The following ANKRD33B variants were observed in gnomAD, a reference collection of about 807,000 sequenced individuals.
The protein encoded by ANKRD33B is ankyrin repeat domain-containing protein 33B.
In ANKRD33B, 6 loss-of-function variants were observed where a neutral mutation model predicts 21.5. That is an observed-to-expected ratio of 0.28 (90% CI 0.15 to 0.55). The LOEUF (loss-of-function observed/expected upper bound fraction) is 0.55. ANKRD33B is among the 20% of genes least tolerant of loss of function. The pLI is 0.94. For synonymous variants in ANKRD33B, 347 were observed against 342.4 expected (o/e 1.01, Z -0.15); for missense variants, 698 against 747.2 (o/e 0.93, Z 0.77).
chr5:10,624,143 T>C (rs1287872633), intron 2 of ANKRD33B, among the ~76,000 whole-genome samples: 2 of 149,844 alleles, frequency 1.3e-5, no homozygotes, highest in Admixed American at 1.3e-4. Flanking sequence ...TTTTTTTTTT[T>C]TTTTGAGTCT....
chr5:10,647,439 G>C (rs560288304), intron 3 of ANKRD33B, among the ~76,000 whole-genome samples: 1 of 152,282 alleles, frequency 6.6e-6, no homozygotes, highest in South Asian at 2.1e-4. Flanking sequence ...ATGTGGGACT[G>C]AGATTGGACC....
At position 10,635,340 on chromosome 5, in the gene ANKRD33B, C is replaced by A. The variant is rs907693969; in HGVS notation, c.497-2688C>A. On this transcript the variant is annotated intron_variant, in intron 2 of 3. Transcript: ENST00000296657. Reference sequence around the variant, plus strand: ...TAAACCAAACTGAGATCAAAGGATTCCCCCACCTTCCCATACCACCCAGTT... The same window carrying A: ...TAAACCAAACTGAGATCAAAGGATTACCCCACCTTCCCATACCACCCAGTT... Among the ~76,000 whole-genome samples the A allele has an allele frequency of 3.3e-5, 5 of 152,164 alleles. No homozygotes were observed. The South Asian group carries it at 1.0e-3, about 32-fold the overall frequency.
chr5:10,632,860 T>C (rs1255354268), intron 2 of ANKRD33B, among the ~76,000 whole-genome samples: 1 of 152,256 alleles, frequency 6.6e-6, no homozygotes, highest in Non-Finnish European at 1.5e-5. Flanking sequence ...TGATCTCTGC[T>C]CACTGCAACC....
At chr5:10,608,558 A>G (rs1352190415) in intron 1 of ANKRD33B, among the ~76,000 whole-genome samples, 2 of 152,110 alleles carry the variant, frequency 1.3e-5, no homozygotes, top group Admixed American at 1.3e-4. Context: ...TGTTACTACC[A>G]ATGGGAAAAG....
chr5:10,588,916 A>G (rs539361891), intron 1 of ANKRD33B, among the ~76,000 whole-genome samples: 1 of 152,152 alleles, frequency 6.6e-6, no homozygotes. Flanking sequence ...GCTTATTGTC[A>G]TCACTTATGC....
intron 1 of ANKRD33B, among the ~76,000 whole-genome samples, chr5:10,614,141 G>C (rs1736233919): frequency 1.3e-5 from 2 of 152,088 alleles, no homozygotes; most frequent in African/African-American, 4.8e-5. Flanking sequence ...AAGAGTTGCA[G>C]TTTGACTCTG....
rs1736382093 is a variant in ANKRD33B, at chr5:10,619,945, G to A, written c.496+1483G>A. Among the ~76,000 whole-genome samples the A allele has an allele frequency of 6.6e-6, 1 of 152,144 alleles. No individual in the cohort carries two copies. Among genetic ancestry groups the A allele is most frequent in the African/African-American group, 2.4e-5 (1 of 41,438 alleles). ...TTCATGATAAGGTCTTGCAAGAAGG[G>A]GATTTGAGCTGGGGCTGAGAGGGAG... is the stretch of plus-strand genomic sequence containing the variant. On this transcript the variant is annotated intron_variant, in intron 2 of 3. Coordinates refer to ENST00000296657, the MANE Select transcript of ANKRD33B (RefSeq NM_001164440.2). The surrounding 1 kb of genome is among the most constrained non-coding windows in gnomAD (Gnocchi z 4.5).
chr5:10,598,089 C>CA (rs1735853581), intron 1 of ANKRD33B, among the ~76,000 whole-genome samples: 1 of 152,084 alleles, frequency 6.6e-6, no homozygotes, highest in South Asian at 2.1e-4. Context: ...GTCTGTTCTC[C>CA]AGCCTCCATC....
At chr5:10,627,159 G>A (rs186547575) in intron 2 of ANKRD33B, 92 of 152,284 alleles carry the variant, frequency 6.0e-4, no homozygotes, top group Non-Finnish European at 1.1e-3. Flanking sequence ...AAATCCCCAT[G>A]TAATCCCTAA....
At chr5:10,602,759 C>T (rs945902755) in intron 1 of ANKRD33B, among the ~76,000 whole-genome samples, 10 of 151,812 alleles carry the variant, frequency 6.6e-5, no homozygotes, top group African/African-American at 2.4e-4. Flanking sequence ...ACTTATAAAG[C>T]TGATCATAGT....
At chr5:10,570,372 C>A (rs899716743) in intron 1 of ANKRD33B, among the ~76,000 whole-genome samples, 1 of 152,156 alleles carries the variant, frequency 6.6e-6, no homozygotes, top group Non-Finnish European at 1.5e-5. Context: ...AAGACCAAAA[C>A]AGTCTTAACT....
intron 1 of ANKRD33B, among the ~76,000 whole-genome samples, chr5:10,613,204 G>C (rs925915285): frequency 6.6e-6 from 1 of 151,948 alleles, no homozygotes; most frequent in Non-Finnish European, 1.5e-5. Flanking sequence ...CGCAGCATCC[G>C]GCCCTCCTTT....
At position 10,652,688 on chromosome 5, in the gene ANKRD33B, C is replaced by A; in HGVS notation, c.*2575C>A. 6.0e-6 allele frequency: 1 copy of A among 165,954 alleles called. No individual in the cohort carries two copies. 10.3% of individuals were successfully genotyped at this position (165,954 alleles called of 1,614,324 possible). A position where few individuals can be genotyped will look rare whatever the true frequency, so the allele number is the denominator to read the frequency against. Reference sequence around the variant, plus strand: ...GCGTGGAACAGCAATGATGGGACAGCAAATGACTGGCAATTTCCCCAGGTC... The same window carrying A: ...GCGTGGAACAGCAATGATGGGACAGAAAATGACTGGCAATTTCCCCAGGTC... On this transcript the variant is annotated 3_prime_UTR_variant, in exon 4 of 4. Coordinates refer to ENST00000296657, the MANE Select transcript of ANKRD33B (RefSeq NM_001164440.2). The surrounding 1 kb of genome is among the most constrained non-coding windows in gnomAD (Gnocchi z 4.1).
At position 10,649,407 on chromosome 5, in the gene ANKRD33B, G is replaced by A. The variant is rs1044826651; in HGVS notation, c.779G>A (p.Arg260Gln). 1.3e-6 allele frequency: 2 copies of A among 1,535,446 alleles called. No individual in the cohort carries two copies. The highest frequency in any genetic ancestry group is 1.7e-6 in the Non-Finnish European group (2 of 1,146,588). The part of the protein sequence containing the change: ...PCPEQFWEKY[R>Q]PELPPPPEAA... The stretch of plus-strand genomic sequence containing the variant: ...CCGGAGCAGTTCTGGGAGAAGTACC[G>A]GCCCGAGCTGCCGCCGCCCCCTGAA... Residue 260 changes from arginine (R) to glutamine (Q), a missense_variant, in exon 4 of 4, where the codon CGG (arginine) becomes CAG (glutamine). Transcript: ENST00000296657.
At chr5:10,633,963 G>A (rs4702716) in intron 2 of ANKRD33B, among the ~76,000 whole-genome samples, 64,075 of 151,976 alleles carry the variant, frequency 0.42, 13,742 homozygotes, top group Middle Eastern at 0.55. Flanking sequence ...GTCAGTGCAC[G>A]CAGCCCGCGG....
chr5:10,609,569 T>A (rs1375992859), intron 1 of ANKRD33B, among the ~76,000 whole-genome samples: 1 of 152,052 alleles, frequency 6.6e-6, no homozygotes, highest in African/African-American at 2.4e-5. Context: ...CATTTGTGGC[T>A]CCCCTTATGT....
chr5:10,622,812 T>A (rs528126040), intron 2 of ANKRD33B, among the ~76,000 whole-genome samples: 2 of 150,528 alleles, frequency 1.3e-5, no homozygotes, highest in African/African-American at 4.9e-5. Context: ...TATTTTATTT[T>A]TTTTTTTTTC....
chr5:10,566,334 C>T (rs1036301146), intron 1 of ANKRD33B, among the ~76,000 whole-genome samples: 4 of 152,206 alleles, frequency 2.6e-5, no homozygotes, highest in East Asian at 3.8e-4. Context: ...GAGCTCCACC[C>T]GAAGTCCTAG....
chr5:10,651,225 T>C lies in ANKRD33B; in HGVS notation c.*1112T>C, dbSNP rs1270125104. 1 of 152,300 alleles carries C rather than the reference T, an allele frequency of 6.6e-6. No individual in the cohort carries two copies. Among genetic ancestry groups the C allele is most frequent in the Non-Finnish European group, 1.5e-5 (1 of 68,030 alleles). 9.4% of individuals were successfully genotyped at this position (152,300 alleles called of 1,614,324 possible). A position where few individuals can be genotyped will look rare whatever the true frequency, so the allele number is the denominator to read the frequency against. On this transcript the variant is annotated 3_prime_UTR_variant, in exon 4 of 4. Coordinates refer to ENST00000296657, the MANE Select transcript of ANKRD33B (RefSeq NM_001164440.2). ...AGGCTCAGTTCCAAAGAGTCCGTTG[T>C]GTGGATATTTCTTTTATTTTTCCTT...
Sources: allele counts gnomAD v4.1 joint callset (sites outside exome capture counted in the v4.1 genomes callset), GRCh38; gene constraint gnomAD v4.1.1; non-coding constraint Gnocchi (gnomAD v3.1); transcripts MANE v1.5; gene names NCBI Gene and HGNC (gene_info 2026-07-23, HGNC 2026-07-21).